UQCRC2: variants seen among roughly 807,000 people sequenced by gnomAD.
UQCRC2 encodes ubiquinol-cytochrome c reductase core protein 2.
UQCRC2 carries 49 observed loss-of-function variants against 55.6 expected under a neutral mutation model. The observed-to-expected ratio is 0.88, with a 90% confidence interval of 0.70 to 1.12. UQCRC2 has a LOEUF of 1.12. Among genes scored for constraint, UQCRC2 ranks in the 50% most tolerant of loss-of-function variants. UQCRC2 has a pLI of 0.00. For missense variants in UQCRC2, 506 were observed against 547.8 expected (o/e 0.92, Z 0.76); for synonymous variants, 193 against 192.0 (o/e 1.01, Z -0.04).
At chr16:21,974,030 G>T (rs187214369) in intron 11 of UQCRC2, 54 bp downstream of exon 11, 1 of 1,460,282 alleles carries the variant, frequency 6.8e-7, no homozygotes, top group Non-Finnish European at 9.4e-7. Context: ...TCTCCCCCCC[G>T]CCATAAACAT....
Position 21,983,172 on chromosome 16 carries a change from T to C in UQCRC2, c.*1T>C, listed in dbSNP as rs1898777638. On this transcript the variant is annotated 3_prime_UTR_variant, in exon 14 of 14. Transcript: ENST00000268379. ...TACACCTTTTGTTGATGAGTTGTAA[T>C]ACTGATGCACACATTACAGGAGAGA... 3.7e-6 allele frequency: 6 copies of C among 1,613,590 alleles called. No homozygotes were observed. Among genetic ancestry groups the C allele is most frequent in the Non-Finnish European group, 2.5e-6 (3 of 1,179,636 alleles).
chr16:21,959,184 G>A (rs1280818395), intron 4 of UQCRC2, among the ~76,000 whole-genome samples: 1 of 152,130 alleles, frequency 6.6e-6, no homozygotes, highest in African/African-American at 2.4e-5. Context: ...TGCATTGATT[G>A]ACTCTTCCTT....
At chr16:21,962,295 A>G in intron 4 of UQCRC2, 165 bp from the exon 5 acceptor site, 2 of 751,654 alleles carry the variant, frequency 2.7e-6, no homozygotes, top group Non-Finnish European at 4.2e-6. Context: ...TTTTAAAAAA[A>G]TTTTGAATTT....
At chr16:21,972,443 T>TC (rs1027495589) in intron 10 of UQCRC2, among the ~76,000 whole-genome samples, 5 of 152,238 alleles carry the variant, frequency 3.3e-5, no homozygotes, top group Non-Finnish European at 7.3e-5. Context: ...AGTCTTTTTT[T>TC]CTAGATTTTC....
At position 21,983,113 on chromosome 16, in the gene UQCRC2, A is replaced by G. The variant is rs1469879474; in HGVS notation, c.1304A>G (p.Gln435Arg). The change falls in exon 14 of 14, where the codon CAG (glutamine) becomes CGG (arginine). Residue 435 changes from glutamine to arginine, a missense_variant. Coordinates refer to ENST00000268379, the MANE Select transcript of UQCRC2 (RefSeq NM_003366.4). ...GCGGCAAAGAAGTTTGTTTCTGGCCAGAAGTCAATGGCAGCAAGTGGAAAT... is the reference window on the plus strand; with the variant it reads ...GCGGCAAAGAAGTTTGTTTCTGGCCGGAAGTCAATGGCAGCAAGTGGAAAT... ...INAAKKFVSG[Q>R]KSMAASGNLG... 1.2e-6 allele frequency: 2 copies of G among 1,614,126 alleles called. No homozygotes were observed. The highest frequency in any genetic ancestry group is 1.1e-5 in the South Asian group (1 of 91,064).
In UQCRC2 at chr16:21,965,509, C is replaced by G; in HGVS notation, c.612+4C>G. On this transcript the variant is annotated splice_donor_region_variant and intron_variant, in intron 7 of 13. Transcript: ENST00000268379. Reference sequence around the variant, plus strand: ...TGGAAAAGTGACATCAGAGGAGGTACCAATAAAACATATTTTGAAATGTGC... The same window carrying G: ...TGGAAAAGTGACATCAGAGGAGGTAGCAATAAAACATATTTTGAAATGTGC... The G allele has an allele frequency of 1.3e-6, 2 of 1,563,014 alleles. No individual in the cohort carries two copies. The highest frequency in any genetic ancestry group is 1.7e-6 in the Non-Finnish European group (2 of 1,156,092).
intron 3 of UQCRC2, 62 bp from the exon 4 acceptor site, chr16:21,958,473 T>C (rs1898128826): frequency 1.4e-6 from 2 of 1,417,312 alleles, no homozygotes; most frequent in South Asian, 1.2e-5. Flanking sequence ...TTTGATATAG[T>C]GTGATGTTTG....
intron 13 of UQCRC2, 63 bp from the exon 14 acceptor site, chr16:21,983,025 C>T (rs879083443): frequency 8.6e-5 from 119 of 1,386,364 alleles, no homozygotes; most frequent in South Asian, 1.5e-4. Context: ...AAAATAAGTT[C>T]GCCTGCTTGA....
intron 12 of UQCRC2, chr16:21,977,089 C>T (rs1898603916): frequency 6.6e-6 from 1 of 152,136 alleles, no homozygotes; most frequent in South Asian, 2.1e-4. Context: ...CGCAGTTGCT[C>T]ATACCTGTAA....
intron 12 of UQCRC2, chr16:21,977,000 T>G (rs1367490585): frequency 6.6e-6 from 1 of 150,524 alleles, no homozygotes; most frequent in Non-Finnish European, 1.5e-5. Flanking sequence ...CCAACTAAGT[T>G]AAGAGTTATA....
At chr16:21,962,929 T>C in intron 6 of UQCRC2, 44 bp downstream of exon 6, 1 of 1,560,812 alleles carries the variant, frequency 6.4e-7, no homozygotes, top group South Asian at 1.2e-5. Flanking sequence ...GATACTGGGT[T>C]TTTTAGAAGA....
At chr16:21,963,014 A>AGTCTCACTCT (rs1898242781) in intron 6 of UQCRC2, 129 bp downstream of exon 6, 3 of 1,220,552 alleles carry the variant, frequency 2.5e-6, no homozygotes, top group Middle Eastern at 3.0e-4. Context: ...TTTGAGACAG[A>AGTCTCACTCT]GTCTCACTCT....
chr16:21,965,455 A>G lies in UQCRC2; in HGVS notation c.562A>G (p.Asn188Asp), dbSNP rs1482668318. ...AGCAGCTTACCGGAATGCCTTGGCT[A>G]ATCCCTTGTATTGTCCTGACTATAG... is the stretch of plus-strand genomic sequence containing the variant. ...HAAAYRNALANPLYCPDYRIG... is the reference protein window; with the variant it reads ...HAAAYRNALADPLYCPDYRIG... Residue 188 changes from asparagine (N) to aspartate (D), a missense_variant, in exon 7 of 14, where the codon AAT becomes GAT. Physicochemically the swap from Asn to Asp is conservative, Grantham distance 23. Transcript: ENST00000268379. The G allele has an allele frequency of 5.0e-6, 8 of 1,613,860 alleles. No individual in the cohort carries two copies. The highest frequency in any genetic ancestry group is 5.9e-6 in the Non-Finnish European group (7 of 1,179,958).
intron 1 of UQCRC2, among the ~76,000 whole-genome samples, chr16:21,955,097 T>A (rs895104879): frequency 5.6e-4 from 85 of 151,828 alleles, no homozygotes; most frequent in African/African-American, 2.1e-3. Context: ...GAGTTACTAT[T>A]TGGGCACATT....
chr16:21,983,106 T>G lies in UQCRC2; in HGVS notation c.1297T>G (p.Ser433Ala), dbSNP rs903866733. ...TTTAAAGGCGGCAAAGAAGTTTGTT[T>G]CTGGCCAGAAGTCAATGGCAGCAAG... ...DIINAAKKFV[S>A]GQKSMAASGN... Residue 433 changes from serine to alanine, a missense_variant, in exon 14 of 14, where the codon TCT (serine) becomes GCT (alanine). Physicochemically the swap from Ser to Ala is moderately conservative, Grantham distance 99. Transcript: ENST00000268379. 1.1e-5 allele frequency: 18 copies of G among 1,613,902 alleles called. No homozygotes were observed. The highest frequency in any genetic ancestry group is 1.5e-5 in the Non-Finnish European group (18 of 1,179,994).
chr16:21,961,257 C>A, intron 4 of UQCRC2: 1 of 400,722 alleles, frequency 2.5e-6, no homozygotes, highest in South Asian at 1.8e-5. Context: ...TGAAAAACCC[C>A]ACAGTTTTTA....
intron 13 of UQCRC2, among the ~76,000 whole-genome samples, chr16:21,982,257 A>G (rs1898750279): frequency 6.6e-6 from 1 of 152,158 alleles, no homozygotes; most frequent in South Asian, 2.1e-4. Context: ...CTGGCCTGAC[A>G]GAATATGGGG....
chr16:21,968,000 CTT>C (rs544335331), intron 7 of UQCRC2, among the ~76,000 whole-genome samples: 12 of 137,072 alleles, frequency 8.8e-5, no homozygotes, highest in Admixed American at 1.5e-4. Flanking sequence ...CTTTTTATTC[CTT>C]TTTTTTTTTT....
Position 21,957,519 on chromosome 16 carries a change from T to A in UQCRC2, c.220T>A (p.Phe74Ile), listed in dbSNP as rs760837100. The A allele has an allele frequency of 1.1e-5, 18 of 1,614,224 alleles. No homozygotes were observed. The highest frequency in any genetic ancestry group is 1.5e-5 in the Non-Finnish European group (18 of 1,180,038). The change falls in exon 3 of 14, where the codon TTC (phenylalanine) becomes ATC (isoleucine). Residue 74 changes from phenylalanine to isoleucine, a missense_variant. Transcript: ENST00000268379. The part of the protein sequence containing the change: ...FIKAGSRYED[F>I]SNLGTTHLLR... The stretch of plus-strand genomic sequence containing the variant: ...TAAAGCAGGCAGTAGATATGAGGAC[T>A]TCAGCAATTTAGGAACCACCCATTT...
Sources: allele counts gnomAD v4.1 joint callset (sites outside exome capture counted in the v4.1 genomes callset), GRCh38; gene constraint gnomAD v4.1.1; transcripts MANE v1.5; gene names NCBI Gene and HGNC (gene_info 2026-07-23, HGNC 2026-07-21).